EIF4ENIF1: variants seen among roughly 807,000 people sequenced by gnomAD.
The protein encoded by EIF4ENIF1 is eukaryotic translation initiation factor 4E transporter.
EIF4ENIF1 carries 23 observed loss-of-function variants against 110.5 expected under a neutral mutation model. The observed-to-expected ratio is 0.21, with a 90% CI of 0.15 to 0.29. The LOEUF (loss-of-function observed/expected upper bound fraction) is 0.29, where lower values mean the gene tolerates loss of function less well. EIF4ENIF1 is among the 10% of genes least tolerant of loss of function. The pLI, the probability that EIF4ENIF1 is intolerant of heterozygous loss-of-function variation, is 1.00. For synonymous variants in EIF4ENIF1, 440 were observed against 437.0 expected (o/e 1.01, Z -0.09); for missense variants, 1,031 against 1,221.1 (o/e 0.84, Z 2.32).
In EIF4ENIF1 at chr22:31,441,810, C is replaced by A; in HGVS notation, c.2515G>T (p.Val839Leu). 6.2e-7 allele frequency: 1 copy of A among 1,613,610 alleles called. No homozygotes were observed. The highest frequency in any genetic ancestry group is 8.5e-7 in the Non-Finnish European group (1 of 1,179,706). ...GLVQRMLAQG[V>L]HPQHLPSLLQ... ...AAACTTGGAAGATGCTGTGGATGTA[C>A]TCCCTGGGCCAGCATCCTCTGTACC... The change falls in exon 17 of 19, where the codon GTA (valine) becomes TTA (leucine). Residue 839 changes from valine (V) to leucine (L), a missense_variant. This residue lies in a region of EIF4ENIF1 where 309 missense variants were observed against 299.1 expected (regional missense o/e 1.03). Transcript: ENST00000330125.
At chr22:31,438,290 C>G (rs146708123), downstream of EIF4ENIF1, among the ~76,000 whole-genome samples, 1,587 of 152,296 alleles carry the variant, frequency 0.01, 27 homozygotes, top group African/African-American at 0.037. Flanking sequence ...AAAGGGGACT[C>G]AGAACTGTAC....
chr22:31,482,963 G>T (rs962234726), intron 2 of EIF4ENIF1, among the ~76,000 whole-genome samples: 4 of 151,596 alleles, frequency 2.6e-5, no homozygotes, highest in Admixed American at 6.6e-5. Context: ...GGCAGAGGTT[G>T]CAGTGAGCCG....
At chr22:31,481,903 C>T (rs1306317111) in intron 2 of EIF4ENIF1, among the ~76,000 whole-genome samples, 1 of 152,146 alleles carries the variant, frequency 6.6e-6, no homozygotes, top group African/African-American at 2.4e-5. Flanking sequence ...GATGCAGTGG[C>T]TCACACCTGG....
intron 2 of EIF4ENIF1, among the ~76,000 whole-genome samples, chr22:31,475,408 C>G (rs2051534510): frequency 6.6e-6 from 1 of 152,118 alleles, no homozygotes; most frequent in Non-Finnish European, 1.5e-5. Flanking sequence ...AGTTCAAGAT[C>G]AGCCTGGGCA....
chr22:31,446,606 G>A (rs2145913196), intron 14 of EIF4ENIF1, among the ~76,000 whole-genome samples: 1 of 152,240 alleles, frequency 6.6e-6, no homozygotes, highest in Non-Finnish European at 1.5e-5. Flanking sequence ...AGTGTTCAGG[G>A]ATGTGCATTT....
intron 6 of EIF4ENIF1, among the ~76,000 whole-genome samples, chr22:31,461,508 C>T (rs577821901): frequency 4.6e-5 from 7 of 152,230 alleles, no homozygotes; most frequent in Non-Finnish European, 5.9e-5. Flanking sequence ...AGCACAATCT[C>T]GCTGCAACCT....
At position 31,460,359 on chromosome 22, in the gene EIF4ENIF1, C is replaced by T. The variant is rs1456337080; in HGVS notation, c.788-1709G>A. On this transcript the variant is annotated intron_variant, in intron 6 of 18. Transcript: ENST00000330125. ...ATTAAAATAGCTTTCCCAGACCAGG[C>T]GCAGTGGTTCACGCCTATAATCTCA... Among the ~76,000 whole-genome samples, 14 of 152,300 alleles carry T rather than the reference C, an allele frequency of 9.2e-5. 1 individual carries two copies. Among genetic ancestry groups the T allele is most frequent in the South Asian group, 2.1e-4 (1 of 4,830 alleles).
intron 11 of EIF4ENIF1, 71 bp downstream of exon 11, chr22:31,450,218 C>A: frequency 7.9e-7 from 1 of 1,272,818 alleles, no homozygotes; most frequent in Non-Finnish European, 1.1e-6. Context: ...CAAAGTTGGA[C>A]CACTAAGCAA....
chr22:31,466,712 T>C (rs1569091033), intron 4 of EIF4ENIF1, among the ~76,000 whole-genome samples: 1 of 152,046 alleles, frequency 6.6e-6, no homozygotes, highest in Non-Finnish European at 1.5e-5. Flanking sequence ...AAAATGCTTA[T>C]GTTGATTTTG....
chr22:31,477,947 C>T (rs2051652517), intron 2 of EIF4ENIF1, among the ~76,000 whole-genome samples: 1 of 152,166 alleles, frequency 6.6e-6, no homozygotes, highest in Non-Finnish European at 1.5e-5. Flanking sequence ...GAAAATGATG[C>T]ATTTGTGCAA....
rs1432106111 is a variant in EIF4ENIF1 at position 31,439,463 on chromosome 22, T to A, written c.*417A>T. The A allele has an allele frequency of 6.2e-6, 1 of 161,868 alleles. No homozygotes were observed. Among genetic ancestry groups the A allele is most frequent in the Admixed American group, 5.9e-5 (1 of 17,044 alleles). The allele number at this position is 161,868 out of a possible 1,614,324, so 10.0% of individuals were successfully genotyped here. A position where few individuals can be genotyped will look rare whatever the true frequency, so the allele number is the denominator to read the frequency against. On this transcript the variant is annotated 3_prime_UTR_variant, in exon 19 of 19. Coordinates refer to ENST00000330125, the MANE Select transcript of EIF4ENIF1 (RefSeq NM_019843.4). ...TCCAAACTGTTGACACAGGCCTAACTAATATCAGCTACTTTTATGTACAGC... is the reference window on the plus strand; with the variant it reads ...TCCAAACTGTTGACACAGGCCTAACAAATATCAGCTACTTTTATGTACAGC...
chr22:31,458,244 C>CAAA (rs1569081273), intron 7 of EIF4ENIF1, among the ~76,000 whole-genome samples: 1 of 148,532 alleles, frequency 6.7e-6, no homozygotes. Context: ...AAAAAAACAA[C>CAAA]AAAAAAAGAA....
chr22:31,456,720 A>C (rs902864275), intron 7 of EIF4ENIF1, among the ~76,000 whole-genome samples: 1 of 150,246 alleles, frequency 6.7e-6, no homozygotes, highest in South Asian at 2.1e-4. Context: ...GGTTTTTACC[A>C]TGTTGGCCAG....
At chr22:31,437,959 T>C (rs1295020188), downstream of EIF4ENIF1, 3 of 152,222 alleles carry the variant, frequency 2.0e-5, no homozygotes, top group Non-Finnish European at 4.4e-5. Flanking sequence ...GAGACTGACT[T>C]CATGCATAAT....
intron 10 of EIF4ENIF1, among the ~76,000 whole-genome samples, chr22:31,453,702 A>G (rs946801026): frequency 2.0e-5 from 3 of 152,212 alleles, no homozygotes; most frequent in African/African-American, 7.2e-5. Context: ...AATGATTTGT[A>G]TGACTGCAAG....
Position 31,440,089 on chromosome 22 carries a change from C to G in EIF4ENIF1, c.2749G>C (p.Ala917Pro), listed in dbSNP as rs914702058. 1 of 1,614,158 alleles carries G rather than the reference C, an allele frequency of 6.2e-7. No homozygotes were observed. Among genetic ancestry groups the G allele is most frequent in the Non-Finnish European group, 8.5e-7 (1 of 1,180,010 alleles). Residue 917 changes from alanine (A) to proline (P), a missense_variant, in exon 19 of 19, where the codon GCA (alanine) becomes CCA (proline). Around this residue, in one of 3 missense-constraint regions of EIF4ENIF1, gnomAD observed 309 missense variants for 299.1 expected, o/e 1.03. Transcript: ENST00000330125. ...LHPPGSGSHA[A>P]AVSVQTTPQN... is the part of the protein sequence containing the mutation. ...GGGGTTGTCTGAACGCTGACAGCTG[C>G]TGCATGGGAACCAGAGCCTGGAGGA... is the stretch of plus-strand genomic sequence containing the variant.
At chr22:31,460,978 G>T (rs751046168) in intron 6 of EIF4ENIF1, among the ~76,000 whole-genome samples, 4 of 152,008 alleles carry the variant, frequency 2.6e-5, no homozygotes, top group Non-Finnish European at 5.9e-5. Context: ...CAAAAAAAAA[G>T]GCTTTCCCCT....
At chr22:31,463,475 T>C (rs550380402) in intron 5 of EIF4ENIF1, among the ~76,000 whole-genome samples, 1 of 151,902 alleles carries the variant, frequency 6.6e-6, no homozygotes, top group South Asian at 2.1e-4. Context: ...GGTTGGGAGC[T>C]TGAGAGACCA....
chr22:31,488,914 G>A, intron 1 of EIF4ENIF1, 169 bp from the exon 2 acceptor site: 2 of 715,820 alleles, frequency 2.8e-6, no homozygotes, highest in Admixed American at 3.0e-5. Context: ...TAGAATCATT[G>A]GTACTCAGTT....
Sources: allele counts gnomAD v4.1 joint callset (sites outside exome capture counted in the v4.1 genomes callset), GRCh38; gene constraint gnomAD v4.1.1; regional missense constraint gnomAD v4.1.1; transcripts MANE v1.5; gene names NCBI Gene and HGNC (gene_info 2026-07-23, HGNC 2026-07-21).